Variants in MCTP2 observed in about 807,000 individuals in gnomAD.
MCTP2 encodes multiple C2 and transmembrane domain containing 2.
A neutral mutation model predicts 111.6 loss-of-function variants in MCTP2; 132 were observed. The ratio of observed to expected loss-of-function variants is 1.18; its 90% CI spans 1.03 to 1.37. The LOEUF is 1.37. MCTP2 is among the 40% of genes most tolerant of loss of function. The probability of loss-of-function intolerance (pLI) is 0.00; values close to 1 mark genes in which losing one functional copy is unlikely to be tolerated. For synonymous variants in MCTP2, 395 were observed against 387.7 expected (o/e 1.02, Z -0.22); for missense variants, 1,183 against 1,067.9 (o/e 1.11, Z -1.50).
At chr15:94,351,889 T>C (rs561585065) in intron 8 of MCTP2, among the ~76,000 whole-genome samples, 27 of 152,310 alleles carry the variant, frequency 1.8e-4, no homozygotes, top group Admixed American at 9.8e-4. Context: ...TTAGGATTTC[T>C]TTCCTCCTGA....
chr15:94,345,044 A>T, intron 7 of MCTP2, 85 bp from the exon 8 acceptor site: 3 of 1,468,828 alleles, frequency 2.0e-6, no homozygotes, highest in Non-Finnish European at 1.9e-6. Context: ...GGACCATCTA[A>T]CATAATATAA....
At chr15:94,382,850 G>A (rs145472220) in intron 12 of MCTP2, among the ~76,000 whole-genome samples, 2 of 152,360 alleles carry the variant, frequency 1.3e-5, no homozygotes, top group Non-Finnish European at 2.9e-5. Flanking sequence ...AATGTCCTAC[G>A]GACATTACGG....
At chr15:94,242,498 G>GCTA (rs1270494159) in intron 1 of MCTP2, among the ~76,000 whole-genome samples, 2 of 152,046 alleles carry the variant, frequency 1.3e-5, no homozygotes, top group Non-Finnish European at 2.9e-5. Flanking sequence ...GTGCACTGCT[G>GCTA]AGGTTTTTTT....
intron 17 of MCTP2, among the ~76,000 whole-genome samples, chr15:94,422,432 G>A (rs886767605): frequency 1.3e-5 from 2 of 152,170 alleles, no homozygotes; most frequent in African/African-American, 4.8e-5. Context: ...TTGAAAGCAA[G>A]TAAAATCTTG....
At chr15:94,382,703 G>A (rs761438734) in intron 12 of MCTP2, among the ~76,000 whole-genome samples, 3 of 152,270 alleles carry the variant, frequency 2.0e-5, no homozygotes, top group Non-Finnish European at 4.4e-5. Context: ...CAAGAGGCCT[G>A]AGCACTCTCT....
chr15:94,313,543 A>G (rs1286317813), intron 2 of MCTP2, among the ~76,000 whole-genome samples: 1 of 152,104 alleles, frequency 6.6e-6, no homozygotes, highest in African/African-American at 2.4e-5. Context: ...TCTACTAAAA[A>G]TACAAAAATT....
intron 4 of MCTP2, among the ~76,000 whole-genome samples, chr15:94,332,930 G>A (rs1326127507): frequency 1.3e-5 from 2 of 152,122 alleles, no homozygotes; most frequent in East Asian, 3.8e-4. Flanking sequence ...CTGAATCATA[G>A]AAATATATTT....
chr15:94,332,011 T>C lies in MCTP2; in HGVS notation c.638-7279T>C, dbSNP rs567405704. On this transcript the variant is annotated intron_variant, in intron 4 of 22. Transcript: ENST00000357742. Reference sequence around the variant, plus strand: ...GATAAGCCTGGGAATGTGCATGTTCTGTTTATTTTGGTGGATAAAACCACT... The same window carrying C: ...GATAAGCCTGGGAATGTGCATGTTCCGTTTATTTTGGTGGATAAAACCACT... Among the ~76,000 whole-genome samples the C allele has an allele frequency of 3.3e-5, 5 of 152,376 alleles. No individual in the cohort carries two copies. In the South Asian group the frequency reaches 8.3e-4, roughly 25 times the overall value.
chr15:94,439,198 A>T (rs1238409514), intron 17 of MCTP2, among the ~76,000 whole-genome samples: 1 of 152,264 alleles, frequency 6.6e-6, no homozygotes, highest in East Asian at 1.9e-4. Flanking sequence ...TATGATAATC[A>T]CAAAGAGAAA....
intron 17 of MCTP2, among the ~76,000 whole-genome samples, chr15:94,427,992 C>G (rs1460816765): frequency 6.6e-6 from 1 of 152,126 alleles, no homozygotes; most frequent in Non-Finnish European, 1.5e-5. Context: ...AATTTGTAGG[C>G]TTTTGCTTTT....
chr15:94,470,021 C>T (rs375513044), intron 20 of MCTP2, among the ~76,000 whole-genome samples: 4 of 152,140 alleles, frequency 2.6e-5, no homozygotes, highest in South Asian at 2.1e-4. Flanking sequence ...GCATAGCCAT[C>T]GTGGCAACAT....
intron 2 of MCTP2, among the ~76,000 whole-genome samples, chr15:94,309,632 A>G (rs2076039442): frequency 6.6e-6 from 1 of 152,198 alleles, no homozygotes; most frequent in South Asian, 2.1e-4. Flanking sequence ...CTTGCCCTCA[A>G]TCTCAAAGTC....
At chr15:94,302,077 C>A (rs1362669378) in intron 2 of MCTP2, among the ~76,000 whole-genome samples, 1 of 152,124 alleles carries the variant, frequency 6.6e-6, no homozygotes, top group Admixed American at 6.5e-5. Context: ...GTTTAACTTA[C>A]TTTGTTTTTA....
intron 1 of MCTP2, among the ~76,000 whole-genome samples, chr15:94,245,633 T>G (rs1157223414): frequency 4.2e-5 from 6 of 142,254 alleles, no homozygotes; most frequent in Admixed American, 2.8e-4. Context: ...TATATACATA[T>G]ACTTATACAT....
chr15:94,393,864 A>T (rs969234846), intron 14 of MCTP2, among the ~76,000 whole-genome samples: 2 of 152,000 alleles, frequency 1.3e-5, no homozygotes, highest in African/African-American at 2.4e-5. Context: ...AGCCTGGGCA[A>T]CATGGTGAAA....
Position 94,440,262 on chromosome 15 carries a change from TG to T in MCTP2, c.2173del (p.Val725Ter). ...TCTTTGTCTACAATTTCATCAGACC[TG>T]TGAAAGGCAAGGTCAGCAGCATCCA... ...LIFVYNFIRPVKGKVSSIQDS... is the reference protein window; with the variant it reads ...LIFVYNFIRPXKGKVSSIQDS... On this transcript the variant is annotated frameshift_variant, in exon 18 of 23. Coordinates refer to ENST00000357742, the MANE Select transcript of MCTP2 (RefSeq NM_001385001.1). LOFTEE classifies it high-confidence loss of function. The T allele has an allele frequency of 6.2e-7, 1 of 1,614,136 alleles. No homozygotes were observed. Among genetic ancestry groups the T allele is most frequent in the South Asian group, 1.1e-5 (1 of 91,078 alleles).
chr15:94,275,510 A>G (rs8027013), intron 1 of MCTP2, among the ~76,000 whole-genome samples: 40,996 of 151,986 alleles, frequency 0.27, 5,981 homozygotes, highest in African/African-American at 0.37. Flanking sequence ...GATAAATTTT[A>G]AAGTGAATTA....
At chr15:94,370,016 T>C in intron 11 of MCTP2, 71 bp from the exon 12 acceptor site, 1 of 985,828 alleles carries the variant, frequency 1.0e-6, no homozygotes, top group Non-Finnish European at 1.5e-6. Context: ...ATGCACTTCC[T>C]ATAGGACTTT....
At chr15:94,332,070 A>G (rs1330005901) in intron 4 of MCTP2, among the ~76,000 whole-genome samples, 2 of 152,204 alleles carry the variant, frequency 1.3e-5, no homozygotes, top group Admixed American at 6.5e-5. Context: ...ATCTACCACT[A>G]TCTGAAGTAA....
Sources: allele counts gnomAD v4.1 joint callset (sites outside exome capture counted in the v4.1 genomes callset), GRCh38; gene constraint gnomAD v4.1.1; transcripts MANE v1.5; gene names NCBI Gene and HGNC (gene_info 2026-07-23, HGNC 2026-07-21).